Variants in ABCC8 observed in about 807,000 individuals in gnomAD.
ABCC8 encodes ATP-binding cassette sub-family C member 8.
Under a neutral mutation model 188.0 loss-of-function variants are expected in ABCC8, and 137 were observed. The observed-to-expected ratio is 0.73, with a 90% confidence interval of 0.63 to 0.84. The LOEUF is 0.84. Ranked by LOEUF, ABCC8 falls within the 40% of genes least tolerant of loss-of-function variation. The probability of loss-of-function intolerance (pLI) is 0.00; values close to 1 mark genes in which losing one functional copy is unlikely to be tolerated. For missense variants in ABCC8, 1,750 were observed against 2,072.7 expected, an observed-to-expected ratio of 0.84 and a Z score of 3.02; for synonymous variants, 797 against 846.5, an observed-to-expected ratio of 0.94 and a Z score of 1.01.
At chr11:17,463,412 C>G in intron 4 of ABCC8, 26 bp downstream of exon 4, 1 of 1,578,906 alleles carries the variant, frequency 6.3e-7, no homozygotes, top group South Asian at 1.2e-5. Flanking sequence ...CTTCCCACCC[C>G]ACCCTGGCCC....
In ABCC8 at chr11:17,413,493, G is replaced by A. The variant is rs1401889357; in HGVS notation, c.2391-15C>T. The A allele has an allele frequency of 6.2e-7, 1 of 1,613,462 alleles. No homozygotes were observed. Among genetic ancestry groups the A allele is most frequent in the Non-Finnish European group, 8.5e-7 (1 of 1,180,034 alleles). On this transcript the variant is annotated splice_polypyrimidine_tract_variant and intron_variant, in intron 19 of 38. Coordinates refer to ENST00000389817, the MANE Select transcript of ABCC8 (RefSeq NM_000352.6). ...CCATCTTGTACCTGGCGTGGGTAGAGGCAGGGGATGCAGCTGGTCAGCCTG... is the reference window on the plus strand; with the variant it reads ...CCATCTTGTACCTGGCGTGGGTAGAAGCAGGGGATGCAGCTGGTCAGCCTG...
At chr11:17,428,829 G>A in intron 12 of ABCC8, 159 bp from the exon 13 acceptor site, 1 of 1,368,688 alleles carries the variant, frequency 7.3e-7, no homozygotes, top group Non-Finnish European at 9.8e-7. Flanking sequence ...ATGGGGGCAG[G>A]TAATTGGTGT....
intron 38 of ABCC8, 21 bp from the exon 39 acceptor site, chr11:17,393,149 C>A (rs373468498): frequency 3.1e-6 from 4 of 1,307,478 alleles, no homozygotes; most frequent in Non-Finnish European, 4.3e-6. Context: ...CAGGAGGGGG[C>A]GGGTCAGGAT....
At chr11:17,400,511 C>T (rs1954183334) in intron 29 of ABCC8, among the ~76,000 whole-genome samples, 1 of 152,132 alleles carries the variant, frequency 6.6e-6, no homozygotes, top group South Asian at 2.1e-4. Context: ...CTGAACATCA[C>T]AACTTCCTGG....
At chr11:17,438,430 A>T (rs1014797204) in intron 10 of ABCC8, among the ~76,000 whole-genome samples, 1 of 152,220 alleles carries the variant, frequency 6.6e-6, no homozygotes, top group South Asian at 2.1e-4. Flanking sequence ...TGGGAGGGCC[A>T]GGGCCATGCC....
In ABCC8 at chr11:17,395,618, G is replaced by A; in HGVS notation, c.4299C>T (p.Gly1433=). The change falls in exon 35 of 39, where the codon GGC becomes GGT. Residue 1433 remains glycine (G), a synonymous_variant. Coordinates refer to ENST00000389817, the MANE Select transcript of ABCC8 (RefSeq NM_000352.6). Reference sequence around the variant, plus strand: ...GGGGTGGTGGGGCTCACCGGATGGTGCCGCTGAAGAGGACGGGGTCCTGCA... The same window carrying A: ...GGGGTGGTGGGGCTCACCGGATGGTACCGCTGAAGAGGACGGGGTCCTGCA... ...IILQDPVLFS[G]TIRFNLDPER... is the part of the protein sequence containing the mutation. 2.6e-6 allele frequency: 4 copies of A among 1,552,326 alleles called. No homozygotes were observed. The highest frequency in any genetic ancestry group is 3.5e-6 in the Non-Finnish European group (4 of 1,148,996).
At chr11:17,456,760 GCT>G in intron 6 of ABCC8, among the ~76,000 whole-genome samples, 1 of 152,198 alleles carries the variant, frequency 6.6e-6, no homozygotes, top group Non-Finnish European at 1.5e-5. Flanking sequence ...GTAAGGTGAG[GCT>G]ATGAAGGGAC....
In ABCC8 at chr11:17,417,391, G is replaced by A. The variant is rs545133089; in HGVS notation, c.2223-429C>T. Among the ~76,000 whole-genome samples the A allele has an allele frequency of 3.3e-5, 5 of 152,332 alleles. 1 individual carries two copies. Among genetic ancestry groups the A allele is most frequent in the African/African-American group, 1.2e-4 (5 of 41,578 alleles). On this transcript the variant is annotated intron_variant, in intron 16 of 38. Transcript: ENST00000389817. ...TGAGGAAAAAGAAAAAAAAAGAATAGATGGAATCAGTGTGTACTGCACGTG... is the reference window on the plus strand; with the variant it reads ...TGAGGAAAAAGAAAAAAAAAGAATAAATGGAATCAGTGTGTACTGCACGTG...
intron 31 of ABCC8, 172 bp from the exon 32 acceptor site, chr11:17,397,485 G>T: frequency 6.9e-7 from 1 of 1,450,226 alleles, no homozygotes; most frequent in Non-Finnish European, 9.3e-7. Flanking sequence ...GGTCAGTCAT[G>T]TGGCTCCCCA....
Position 17,428,661 on chromosome 11 carries a change from C to T in ABCC8, c.1827G>A (p.Lys609=), listed in dbSNP as rs1218705276. 1 of 1,613,194 alleles carries T rather than the reference C, an allele frequency of 6.2e-7. No homozygotes were observed. Among genetic ancestry groups the T allele is most frequent in the Non-Finnish European group, 8.5e-7 (1 of 1,180,024 alleles). The change falls in exon 13 of 39, where the codon AAG becomes AAA. Residue 609 remains lysine (K), a synonymous_variant. Transcript: ENST00000389817. Reference sequence around the variant, plus strand: ...CTGCACTGGACAGGAACTCGCTTAGCTTTTGCACGCTGCTCGGGAAGCACA... The same window carrying T: ...CTGCACTGGACAGGAACTCGCTTAGTTTTTGCACGCTGCTCGGGAAGCACA... ...STVKALVSVQ[K]LSEFLSSAEI...
chr11:17,408,996 T>C (rs888113678), intron 22 of ABCC8, among the ~76,000 whole-genome samples: 8 of 145,478 alleles, frequency 5.5e-5, no homozygotes, highest in Admixed American at 1.4e-4. Flanking sequence ...CTCTGTTGCC[T>C]AGGCTGGGGT....
At chr11:17,444,011 C>A (rs1472659858) in intron 8 of ABCC8, among the ~76,000 whole-genome samples, 9 of 151,650 alleles carry the variant, frequency 5.9e-5, no homozygotes, top group Non-Finnish European at 1.2e-4. Flanking sequence ...TGCTGGCTTC[C>A]TTAGCTAAAA....
At chr11:17,411,786 A>T (rs942678088) in intron 21 of ABCC8, among the ~76,000 whole-genome samples, 1 of 152,140 alleles carries the variant, frequency 6.6e-6, no homozygotes, top group African/African-American at 2.4e-5. Context: ...ATCAGATTCT[A>T]AATCTTTGAG....
chr11:17,433,488 C>T (rs1955940298), intron 10 of ABCC8, among the ~76,000 whole-genome samples: 1 of 152,246 alleles, frequency 6.6e-6, no homozygotes, highest in Non-Finnish European at 1.5e-5. Context: ...GCAGTCAGTA[C>T]ATACAAAGCA....
chr11:17,410,406 T>G (rs1001989013), intron 22 of ABCC8, 110 bp downstream of exon 22: 32 of 1,253,352 alleles, frequency 2.6e-5, no homozygotes, highest in Admixed American at 2.1e-4. Context: ...TCTCTTATGC[T>G]TTGTGGCCCT....
chr11:17,470,363 C>CCCT, intron 2 of ABCC8, 141 bp from the exon 3 acceptor site: 1 of 1,446,324 alleles, frequency 6.9e-7, no homozygotes, highest in Non-Finnish European at 9.4e-7. Context: ...AGTTAATGGG[C>CCCT]GTATTTGGGG....
intron 16 of ABCC8, among the ~76,000 whole-genome samples, chr11:17,421,414 T>A (rs1486456495): frequency 6.6e-6 from 1 of 152,104 alleles, no homozygotes; most frequent in Non-Finnish European, 1.5e-5. Flanking sequence ...CAAGATGCAT[T>A]ATAATGGCAG....
rs2133470198 is a variant in ABCC8 at position 17,412,675 on chromosome 11, A to G, written c.2547T>C (p.Val849=). 6.2e-7 allele frequency: 1 copy of G among 1,611,642 alleles called. No individual in the cohort carries two copies. Among genetic ancestry groups the G allele is most frequent in the African/African-American group, 1.3e-5 (1 of 74,966 alleles). ...VARALYQHAN[V]VFLDDPFSAL... The stretch of plus-strand genomic sequence containing the variant: ...GGGAACTTGCACTCACCAAGAAGAC[A>G]ACGTTGGCGTGCTGGTAGAGGGCTC... Residue 849 remains valine, a synonymous_variant, in exon 21 of 39, where the codon GTT becomes GTC. Transcript: ENST00000389817.
At chr11:17,398,578 T>C in intron 29 of ABCC8, 137 bp from the exon 30 acceptor site, 1 of 1,513,530 alleles carries the variant, frequency 6.6e-7, no homozygotes, top group Non-Finnish European at 9.0e-7. Flanking sequence ...ATGTAAGCTA[T>C]CCCTCTCTGG....
Sources: gnomAD v4.1 joint callset for allele counts (sites outside exome capture counted in the v4.1 genomes callset) on GRCh38, gnomAD v4.1.1 for gene constraint, MANE v1.5 for transcripts, NCBI Gene and HGNC (gene_info 2026-07-23, HGNC 2026-07-21) for gene names.